Variants in WWP2 observed in about 807,000 individuals in gnomAD.
The protein encoded by WWP2 is WW domain containing E3 ubiquitin protein ligase 2, also known as NEDD4-like E3 ubiquitin-protein ligase WWP2.
In WWP2, 57 loss-of-function variants were observed where a neutral mutation model predicts 121.0. That is an observed-to-expected ratio of 0.47 (90% CI 0.38 to 0.59). The LOEUF is 0.59. Ranked by LOEUF, WWP2 falls within the 20% of genes least tolerant of loss-of-function variation. The pLI, the probability that WWP2 is intolerant of heterozygous loss-of-function variation, is 0.00. For missense variants in WWP2, 962 were observed against 1,158.9 expected, an observed-to-expected ratio of 0.83 and a Z score of 2.47; for synonymous variants, 449 against 441.3, an observed-to-expected ratio of 1.02 and a Z score of -0.22.
chr16:69,853,742 T>G (rs979966779), intron 6 of WWP2, among the ~76,000 whole-genome samples: 1 of 152,164 alleles, frequency 6.6e-6, no homozygotes, highest in Non-Finnish European at 1.5e-5. Flanking sequence ...GAGGTGTAAT[T>G]AAGCAGGACT....
At chr16:69,901,637 G>C (rs548401203) in intron 8 of WWP2, among the ~76,000 whole-genome samples, 1 of 152,290 alleles carries the variant, frequency 6.6e-6, no homozygotes, top group Admixed American at 6.5e-5. Context: ...CTAATGGAGA[G>C]AGTGGATTTT....
Position 69,939,903 on chromosome 16 carries a change from A to G in WWP2, c.2576A>G (p.Tyr859Cys). The change falls in exon 24 of 24, where the codon TAT becomes TGT. Residue 859 changes from tyrosine (Y) to cysteine (C), a missense_variant. This residue lies in a region of WWP2 where 606 missense variants were observed against 772.6 expected (regional missense o/e 0.78). Coordinates refer to ENST00000359154, the MANE Select transcript of WWP2 (RefSeq NM_001270454.2). ...GAACAGCTGAGAGAGAAGCTGCTGT[A>G]TGCCATTGAGGAGACCGAGGGCTTT... ...SYEQLREKLL[Y>C]AIEETEGFGQ... is the part of the protein sequence containing the mutation. 2 of 1,613,978 alleles carry G rather than the reference A, an allele frequency of 1.2e-6. No individual in the cohort carries two copies. The highest frequency in any genetic ancestry group is 1.7e-6 in the Non-Finnish European group (2 of 1,179,922).
intron 4 of WWP2, among the ~76,000 whole-genome samples, chr16:69,821,984 C>T (rs2056601566): frequency 6.6e-6 from 1 of 151,994 alleles, no homozygotes; most frequent in Non-Finnish European, 1.5e-5. Flanking sequence ...TCCTCCCACC[C>T]CAGCCTCCCG....
chr16:69,817,427 T>G (rs536776345), intron 4 of WWP2, among the ~76,000 whole-genome samples: 2 of 152,132 alleles, frequency 1.3e-5, no homozygotes, highest in East Asian at 3.9e-4. Flanking sequence ...TTTTGTATTT[T>G]TAGTAGAGAC....
chr16:69,773,859 A>G (rs924502905), intron 1 of WWP2, among the ~76,000 whole-genome samples: 1 of 152,198 alleles, frequency 6.6e-6, no homozygotes, highest in Non-Finnish European at 1.5e-5. Flanking sequence ...GCTGAGGTCT[A>G]AAGCACTCCT....
intron 1 of WWP2, among the ~76,000 whole-genome samples, chr16:69,771,904 A>C (rs2151768701): frequency 6.7e-6 from 1 of 149,118 alleles, no homozygotes; most frequent in East Asian, 2.0e-4. Flanking sequence ...CTATGCCTGA[A>C]GTCTTGAGTT....
At chr16:69,853,608 T>C (rs1405872060) in intron 6 of WWP2, among the ~76,000 whole-genome samples, 1 of 152,124 alleles carries the variant, frequency 6.6e-6, no homozygotes, top group Non-Finnish European at 1.5e-5. Flanking sequence ...GAATGTCTGA[T>C]ACAGTGGGGC....
At chr16:69,823,964 A>G (rs1195705576) in intron 4 of WWP2, among the ~76,000 whole-genome samples, 1 of 152,232 alleles carries the variant, frequency 6.6e-6, no homozygotes, top group Non-Finnish European at 1.5e-5. Flanking sequence ...TTCAGGCCCT[A>G]AATGAACACC....
In WWP2 at chr16:69,782,144, G is replaced by A. The variant is rs774294057; in HGVS notation, c.-15-4852G>A. 2.4e-4 allele frequency among the ~76,000 whole-genome samples: 37 copies of A among 152,212 alleles called. No individual in the cohort carries two copies. The Middle Eastern group carries it at 0.014, about 56-fold the overall frequency. ...CTAAAAATACAGAAATTAGCTGGGC[G>A]TGTTAGCGGGTGCCTGTAATCCCAG... is the stretch of plus-strand genomic sequence containing the variant. On this transcript the variant is annotated intron_variant, in intron 1 of 23. Transcript: ENST00000359154.
rs190709611 is a variant in WWP2 at position 69,843,321 on chromosome 16, C to A, written c.575+1201C>A. Among the ~76,000 whole-genome samples the A allele has an allele frequency of 5.5e-4, 83 of 151,948 alleles. No individual in the cohort carries two copies. The South Asian group carries it at 0.017, about 31-fold the overall frequency. On this transcript the variant is annotated intron_variant, in intron 6 of 23. Coordinates refer to ENST00000359154, the MANE Select transcript of WWP2 (RefSeq NM_001270454.2). Reference sequence around the variant, plus strand: ...GACGTAATGTTATTTACTGAAATTCCCATTTTATACCTGTGTTAGTGGTGC... The same window carrying A: ...GACGTAATGTTATTTACTGAAATTCACATTTTATACCTGTGTTAGTGGTGC...
At chr16:69,818,133 CA>C (rs2056529879) in intron 4 of WWP2, among the ~76,000 whole-genome samples, 1 of 151,834 alleles carries the variant, frequency 6.6e-6, no homozygotes. Context: ...GTCTGTTAGG[CA>C]AAGTGATTTC....
At chr16:69,865,819 G>A (rs185458053) in intron 6 of WWP2, among the ~76,000 whole-genome samples, 9 of 152,316 alleles carry the variant, frequency 5.9e-5, no homozygotes, top group African/African-American at 1.7e-4. Context: ...GATACTGAGT[G>A]CACAGCCTCC....
intron 2 of WWP2, among the ~76,000 whole-genome samples, chr16:69,793,905 T>C (rs2055967919): frequency 7.0e-6 from 1 of 143,112 alleles, no homozygotes; most frequent in South Asian, 2.2e-4. Flanking sequence ...GCTGTTATTA[T>C]CCTTGCTTTT....
intron 1 of WWP2, among the ~76,000 whole-genome samples, chr16:69,775,530 C>A (rs2055507351): frequency 6.6e-6 from 1 of 152,144 alleles, no homozygotes; most frequent in Non-Finnish European, 1.5e-5. Context: ...CTATATCTCT[C>A]CTTACATTGC....
Position 69,937,522 on chromosome 16 carries a change from G to C in WWP2, c.2239-26G>C, listed in dbSNP as rs766923221. ...CGATGCGCGGGGAGGGACCTGCCGG[G>C]GATGCTGACTGCCGCCTCTCCCCAG... On this transcript the variant is annotated intron_variant, in intron 20 of 23. Transcript: ENST00000359154. This position sits in a 1 kb window ranked among gnomAD's most constrained non-coding sequence, Gnocchi z 6.6. The C allele has an allele frequency of 2.5e-6, 4 of 1,612,428 alleles. No homozygotes were observed. Among genetic ancestry groups the C allele is most frequent in the Non-Finnish European group, 3.4e-6 (4 of 1,178,754 alleles).
At chr16:69,853,011 A>T (rs2057247017) in intron 6 of WWP2, among the ~76,000 whole-genome samples, 1 of 152,184 alleles carries the variant, frequency 6.6e-6, no homozygotes. Context: ...GCAGTTCACA[A>T]AGGGTCTTTT....
chr16:69,827,598 T>C (rs1292500201), intron 4 of WWP2, among the ~76,000 whole-genome samples: 2 of 152,226 alleles, frequency 1.3e-5, no homozygotes. Flanking sequence ...GACTCCTACA[T>C]TTTGCTCTGC....
chr16:69,791,795 C>T (rs1193466961), intron 2 of WWP2, among the ~76,000 whole-genome samples: 1 of 152,162 alleles, frequency 6.6e-6, no homozygotes, highest in Non-Finnish European at 1.5e-5. Flanking sequence ...GCTGGGATTA[C>T]AGGTGTGAGC....
At chr16:69,806,578 T>C (rs1223428530) in intron 4 of WWP2, among the ~76,000 whole-genome samples, 1 of 152,144 alleles carries the variant, frequency 6.6e-6, no homozygotes. Flanking sequence ...TTTTTTTCAG[T>C]TTTCCCCCCC....
Sources: gnomAD v4.1 joint callset for allele counts (sites outside exome capture counted in the v4.1 genomes callset) on GRCh38, gnomAD v4.1.1 for gene constraint, gnomAD v4.1.1 regional missense constraint, Gnocchi (gnomAD v3.1) non-coding constraint, MANE v1.5 for transcripts, NCBI Gene and HGNC (gene_info 2026-07-23, HGNC 2026-07-21) for gene names.